The following ARK2C variants were observed in gnomAD, a reference collection of about 807,000 sequenced individuals.
The protein encoded by ARK2C is arkadia (RNF111) C-terminal like ring finger ubiquitin ligase 2C, also known as E3 ubiquitin-protein ligase ARK2C.
the ARK2C span, among the ~76,000 whole-genome samples, chr18:46,370,047 C>T: frequency 6.6e-6 from 1 of 152,244 alleles, no homozygotes; most frequent in Non-Finnish European, 1.5e-5. Context: ...CTGTGGCCCC[C>T]TCAATGTGAA....
chr18:46,417,459 T>C, the ARK2C span, among the ~76,000 whole-genome samples: 1 of 152,276 alleles, frequency 6.6e-6, no homozygotes, highest in East Asian at 1.9e-4. Flanking sequence ...ACAGGGCCTT[T>C]GCGTGTGCAG....
At chr18:46,353,112 A>G in the ARK2C span, among the ~76,000 whole-genome samples, 1 of 152,260 alleles carries the variant, frequency 6.6e-6, no homozygotes, top group African/African-American at 2.4e-5. Flanking sequence ...ATCTCATTAC[A>G]AATCTTCCTG....
At chr18:46,341,760 C>T in the ARK2C span, among the ~76,000 whole-genome samples, 1 of 152,144 alleles carries the variant, frequency 6.6e-6, no homozygotes, top group Non-Finnish European at 1.5e-5. Context: ...CTTAGGTCAC[C>T]CCTTGAGCAA....
chr18:46,400,939 G>T, the ARK2C span, among the ~76,000 whole-genome samples: 1 of 152,158 alleles, frequency 6.6e-6, no homozygotes, highest in South Asian at 2.1e-4. Context: ...AGGTGGAAGT[G>T]GTGGGAGATG....
chr18:46,462,222 T>C, the ARK2C span: 3 of 152,546 alleles, frequency 2.0e-5, no homozygotes, highest in Non-Finnish European at 4.4e-5. Flanking sequence ...GGCACAGCTG[T>C]GAGCCCAATG....
At chr18:46,418,133 G>C in the ARK2C span, among the ~76,000 whole-genome samples, 1 of 152,080 alleles carries the variant, frequency 6.6e-6, no homozygotes, top group East Asian at 1.9e-4. Flanking sequence ...AGGGTCACCT[G>C]AGGCCAGCAG....
the ARK2C span, chr18:46,336,019 C>T: frequency 5.1e-6 from 5 of 985,384 alleles, no homozygotes; most frequent in Non-Finnish European, 6.0e-6. Flanking sequence ...GCGGCAGTAT[C>T]CCCTATCTCA....
the ARK2C span, among the ~76,000 whole-genome samples, chr18:46,417,596 C>A: frequency 6.6e-6 from 1 of 152,226 alleles, no homozygotes; most frequent in Non-Finnish European, 1.5e-5. Flanking sequence ...AAATGGAACC[C>A]CCCCAACCTT....
At chr18:46,405,269 A>G in the ARK2C span, among the ~76,000 whole-genome samples, 1 of 152,128 alleles carries the variant, frequency 6.6e-6, no homozygotes, top group African/African-American at 2.4e-5. Context: ...CTCCCCAGAA[A>G]TAGTAGAGTC....
At chr18:46,392,980 G>C in the ARK2C span, among the ~76,000 whole-genome samples, 1 of 152,032 alleles carries the variant, frequency 6.6e-6, no homozygotes, top group Non-Finnish European at 1.5e-5. Context: ...AAGGGAAATC[G>C]GCAACCATAA....
chr18:46,375,087 C>T, the ARK2C span, among the ~76,000 whole-genome samples: 2 of 152,204 alleles, frequency 1.3e-5, no homozygotes, highest in Admixed American at 6.5e-5. Flanking sequence ...CCACAAACCT[C>T]ACCCAGGCAG....
the ARK2C span, chr18:46,456,146 C>A: frequency 1.0e-6 from 1 of 977,518 alleles, no homozygotes; most frequent in Non-Finnish European, 1.6e-6. Flanking sequence ...ATCACTGCAC[C>A]GTGTGTCTGG....
the ARK2C span, among the ~76,000 whole-genome samples, chr18:46,431,775 G>A: frequency 6.6e-6 from 1 of 152,216 alleles, no homozygotes; most frequent in Non-Finnish European, 1.5e-5. Flanking sequence ...TCCTTACACA[G>A]ATTGCAATCA....
At chr18:46,353,972 C>CATTTTAG in the ARK2C span, among the ~76,000 whole-genome samples, 1 of 152,114 alleles carries the variant, frequency 6.6e-6, no homozygotes, top group Non-Finnish European at 1.5e-5. Flanking sequence ...AGCTCACCCC[C>CATTTTAG]TCATTTTACG....
the ARK2C span, among the ~76,000 whole-genome samples, chr18:46,370,970 A>T: frequency 5.3e-5 from 8 of 152,190 alleles, no homozygotes; most frequent in Non-Finnish European, 1.2e-4. Context: ...CGTACGCGAC[A>T]CTGGGTAATT....
chr18:46,409,792 A>T, the ARK2C span, among the ~76,000 whole-genome samples: 1 of 152,162 alleles, frequency 6.6e-6, no homozygotes, highest in Non-Finnish European at 1.5e-5. Context: ...GGCATCCTGG[A>T]GATTACTGTC....
At chr18:46,450,279 C>G in the ARK2C span, 1 of 1,559,422 alleles carries the variant, frequency 6.4e-7, no homozygotes, top group South Asian at 1.1e-5. Context: ...CTATCCAAGG[C>G]GTTTTCTACC....
the ARK2C span, chr18:46,447,837 C>A: frequency 1.1e-6 from 1 of 923,358 alleles, no homozygotes; most frequent in Non-Finnish European, 1.7e-6. Context: ...CATGACCCAG[C>A]TCACCTGTGT....
chr18:46,382,810 G>A, the ARK2C span, among the ~76,000 whole-genome samples: 2 of 152,198 alleles, frequency 1.3e-5, no homozygotes, highest in Non-Finnish European at 2.9e-5. Flanking sequence ...GACTATGCAG[G>A]TTTCAAACAT....
Sources: allele counts gnomAD v4.1 joint callset (sites outside exome capture counted in the v4.1 genomes callset), GRCh38; gene constraint gnomAD v4.1.1; transcripts MANE v1.5; gene names NCBI Gene and HGNC (gene_info 2026-07-23, HGNC 2026-07-21).